Variants in CRPPA observed in about 807,000 individuals in gnomAD.
The protein encoded by CRPPA is CDP-L-ribitol pyrophosphorylase A.
In CRPPA, 43 loss-of-function variants were observed where a neutral mutation model predicts 52.0. That is an observed-to-expected ratio of 0.83 (90% CI 0.65 to 1.07). The LOEUF (loss-of-function observed/expected upper bound fraction) is 1.07, where lower values mean the gene tolerates loss of function less well. CRPPA is among the 50% of genes least tolerant of loss of function. CRPPA has a pLI of 0.00. For synonymous variants in CRPPA, 250 were observed against 203.5 expected (o/e 1.23, Z -1.94); for missense variants, 629 against 551.7 (o/e 1.14, Z -1.40).
chr7:16,232,433 T>C lies in CRPPA; in HGVS notation c.1120-16236A>G, dbSNP rs149789562. Among the ~76,000 whole-genome samples, 64 of 152,154 alleles carry C rather than the reference T, an allele frequency of 4.2e-4. 1 individual carries two copies. Among genetic ancestry groups the C allele is most frequent in the Admixed American group, 1.8e-3 (28 of 15,268 alleles). ...GCCCACTTCTCTCTGCCATGTGCACTTGTTCTCACCTTCTGCCCTTCCACT... is the reference window on the plus strand; with the variant it reads ...GCCCACTTCTCTCTGCCATGTGCACCTGTTCTCACCTTCTGCCCTTCCACT... On this transcript the variant is annotated intron_variant, in intron 8 of 9. Coordinates refer to ENST00000407010, the MANE Select transcript of CRPPA (RefSeq NM_001101426.4).
At chr7:16,309,615 CT>C (rs1396614465) in intron 3 of CRPPA, among the ~76,000 whole-genome samples, 12 of 148,988 alleles carry the variant, frequency 8.1e-5, no homozygotes, top group Non-Finnish European at 7.5e-5. Context: ...TTTTTTTCTT[CT>C]TTTTTTTTTG....
Position 16,096,930 on chromosome 7 carries a change from G to T in CRPPA, c.1252-5131C>A, listed in dbSNP as rs186079778. 8.5e-4 allele frequency among the ~76,000 whole-genome samples: 129 copies of T among 152,156 alleles called. 2 individuals carry two copies. The East Asian group carries it at 0.016, about 19-fold the overall frequency. On this transcript the variant is annotated intron_variant, in intron 9 of 9. Coordinates refer to ENST00000407010, the MANE Select transcript of CRPPA (RefSeq NM_001101426.4). ...CAATATTATTTCTTCTTTCTGCTTT[G>T]CTATATTTTCAAAACCCCCACAATG...
intron 9 of CRPPA, among the ~76,000 whole-genome samples, chr7:16,101,982 A>G (rs1315992765): frequency 6.6e-6 from 1 of 152,210 alleles, no homozygotes; most frequent in Non-Finnish European, 1.5e-5. Context: ...GAACCAAAAA[A>G]GAGCCCATAC....
intron 3 of CRPPA, among the ~76,000 whole-genome samples, chr7:16,333,289 C>T (rs866988163): frequency 6.1e-4 from 93 of 152,278 alleles, no homozygotes; most frequent in Non-Finnish European, 3.4e-4. Flanking sequence ...TATCTATTGA[C>T]TACTTCATCC....
intron 1 of CRPPA, among the ~76,000 whole-genome samples, chr7:16,411,743 T>C (rs1788081165): frequency 6.6e-6 from 1 of 152,144 alleles, no homozygotes; most frequent in Non-Finnish European, 1.5e-5. Context: ...TCATATATAC[T>C]TCAGCTGTTT....
intron 3 of CRPPA, among the ~76,000 whole-genome samples, chr7:16,327,569 C>A (rs1056341471): frequency 1.5e-5 from 2 of 132,208 alleles, no homozygotes; most frequent in Non-Finnish European, 3.1e-5. Flanking sequence ...GTCCGCAGTC[C>A]GGCCTGGGCG....
chr7:16,241,970 T>TTTTG (rs1241010922), intron 8 of CRPPA, among the ~76,000 whole-genome samples: 16,096 of 100,026 alleles, frequency 0.16, 2,408 homozygotes, highest in Non-Finnish European at 0.24. Context: ...TTTTTTTTTG[T>TTTTG]TGGGGGGAGA....
At chr7:16,399,190 C>T (rs919222927) in intron 2 of CRPPA, among the ~76,000 whole-genome samples, 1 of 152,216 alleles carries the variant, frequency 6.6e-6, no homozygotes, top group African/African-American at 2.4e-5. Flanking sequence ...ACGATTCACA[C>T]GACTGACATG....
At position 16,091,626 on chromosome 7, in the gene CRPPA, G is replaced by A; in HGVS notation, c.*69C>T. On this transcript the variant is annotated 3_prime_UTR_variant, in exon 10 of 10. Coordinates refer to ENST00000407010, the MANE Select transcript of CRPPA (RefSeq NM_001101426.4). ...CTGAAACATTCTACCACACACAGCA[G>A]CGGGGGCACAAAGCACAATTAAGAT... The A allele has an allele frequency of 1.3e-6, 1 of 799,236 alleles. No homozygotes were observed. The allele number at this position is 799,236 out of a possible 1,614,324, so 49.5% of individuals were successfully genotyped here.
intron 9 of CRPPA, among the ~76,000 whole-genome samples, chr7:16,152,643 T>C (rs947428820): frequency 3.9e-5 from 6 of 152,056 alleles, no homozygotes; most frequent in Non-Finnish European, 2.9e-5. Flanking sequence ...TTTCTTTTTA[T>C]AGTTCCTAAT....
chr7:16,338,282 G>A (rs988648861), intron 3 of CRPPA, among the ~76,000 whole-genome samples: 2 of 152,020 alleles, frequency 1.3e-5, no homozygotes, highest in Non-Finnish European at 2.9e-5. Flanking sequence ...ACAAAATGAA[G>A]GATAAAAGTC....
chr7:16,242,214 A>G (rs1306298207), intron 8 of CRPPA, among the ~76,000 whole-genome samples: 2 of 151,948 alleles, frequency 1.3e-5, no homozygotes, highest in Non-Finnish European at 2.9e-5. Flanking sequence ...TCTGCCTCCC[A>G]AAGTGTTGGG....
At chr7:16,171,002 G>A (rs911414825) in intron 9 of CRPPA, among the ~76,000 whole-genome samples, 2 of 152,202 alleles carry the variant, frequency 1.3e-5, no homozygotes, top group Non-Finnish European at 2.9e-5. Flanking sequence ...GCCTTAGCCA[G>A]CCCAGAGAGG....
intron 9 of CRPPA, among the ~76,000 whole-genome samples, chr7:16,122,648 G>A (rs1279448183): frequency 6.6e-6 from 1 of 151,936 alleles, no homozygotes; most frequent in Non-Finnish European, 1.5e-5. Flanking sequence ...AGTCATCATG[G>A]CAGGGACAAA....
At chr7:16,373,887 G>T (rs79394434) in intron 3 of CRPPA, among the ~76,000 whole-genome samples, 1 of 152,258 alleles carries the variant, frequency 6.6e-6, no homozygotes, top group African/African-American at 2.4e-5. Flanking sequence ...TGAAGAGGAA[G>T]AGTTATCTAT....
intron 5 of CRPPA, among the ~76,000 whole-genome samples, chr7:16,287,317 G>A (rs1784471745): frequency 1.3e-5 from 2 of 152,018 alleles, no homozygotes; most frequent in African/African-American, 4.8e-5. Flanking sequence ...CTATATTACA[G>A]TATATTTTTT....
intron 9 of CRPPA, among the ~76,000 whole-genome samples, chr7:16,169,310 T>C (rs191184791): frequency 6.6e-6 from 1 of 152,206 alleles, no homozygotes; most frequent in Admixed American, 6.5e-5. Flanking sequence ...CAAGAAATGA[T>C]GAAGTCAAAA....
At chr7:16,240,355 T>C (rs186420142) in intron 8 of CRPPA, among the ~76,000 whole-genome samples, 80 of 152,108 alleles carry the variant, frequency 5.3e-4, no homozygotes, top group Non-Finnish European at 8.7e-4. Context: ...CAAGTAATTG[T>C]ATTTCTGCCA....
chr7:16,368,588 A>G (rs1220307614), intron 3 of CRPPA, among the ~76,000 whole-genome samples: 1 of 152,216 alleles, frequency 6.6e-6, no homozygotes, highest in Non-Finnish European at 1.5e-5. Context: ...ACACTTACAA[A>G]CAGGCATATA....
Sources: allele counts gnomAD v4.1 joint callset (sites outside exome capture counted in the v4.1 genomes callset), GRCh38; gene constraint gnomAD v4.1.1; transcripts MANE v1.5; gene names NCBI Gene and HGNC (gene_info 2026-07-23, HGNC 2026-07-21).